SLC25A26: variants seen among roughly 807,000 people sequenced by gnomAD.
The protein encoded by SLC25A26 is solute carrier family 25 member 26, also known as mitochondrial S-adenosylmethionine carrier protein.
Under a neutral mutation model 37.8 loss-of-function variants are expected in SLC25A26, and 36 were observed. That is an observed-to-expected ratio of 0.95 (90% CI 0.73 to 1.26). The LOEUF is 1.26. SLC25A26 is among the 50% of genes most tolerant of loss of function. The pLI is 0.00. For synonymous variants in SLC25A26, 129 were observed against 122.5 expected (o/e 1.05, Z -0.35); for missense variants, 390 against 331.1 (o/e 1.18, Z -1.38).
intron 5 of SLC25A26, chr3:66,324,083 C>T (rs2075769736): frequency 6.6e-6 from 1 of 151,764 alleles, no homozygotes; most frequent in Non-Finnish European, 1.5e-5. Flanking sequence ...CCATGCTGAT[C>T]AGTAGTGGGA....
intron 2 of SLC25A26, 66 bp downstream of exon 2, chr3:66,236,766 T>A (rs1321289124): frequency 4.8e-6 from 6 of 1,238,582 alleles, no homozygotes; most frequent in Non-Finnish European, 6.5e-6. Flanking sequence ...TGGTGTGTGG[T>A]CTTACCCCCA....
At chr3:66,161,996 A>G (rs1426311723) in intron 1 of SLC25A26, among the ~76,000 whole-genome samples, 3 of 152,242 alleles carry the variant, frequency 2.0e-5, no homozygotes, top group Admixed American at 6.5e-5. Context: ...TTGGGCTGCC[A>G]TAACAAAGTA....
intron 2 of SLC25A26, 128 bp from the exon 3 acceptor site, chr3:66,243,074 AT>A: frequency 1.8e-6 from 1 of 567,912 alleles, no homozygotes; most frequent in Non-Finnish European, 3.1e-6. Context: ...AAGAAAAGAT[AT>A]GTGCTTATCA....
intron 2 of SLC25A26, among the ~76,000 whole-genome samples, chr3:66,239,071 C>T (rs1440807608): frequency 6.6e-6 from 1 of 152,186 alleles, no homozygotes; most frequent in East Asian, 1.9e-4. Context: ...CTTTAATAAT[C>T]AGAACCTTTC....
intron 1 of SLC25A26, among the ~76,000 whole-genome samples, chr3:66,138,872 T>C (rs1418261980): frequency 6.6e-6 from 1 of 152,156 alleles, no homozygotes; most frequent in Non-Finnish European, 1.5e-5. Flanking sequence ...TGAATAGTAA[T>C]GGTCCTGAGT....
intron 1 of SLC25A26, among the ~76,000 whole-genome samples, chr3:66,136,114 C>T (rs56391015): frequency 0.45 from 68,017 of 152,022 alleles, 15,995 homozygotes; most frequent in African/African-American, 0.59. Context: ...TTCTGTCCTG[C>T]GGACAGTCAA....
At chr3:66,178,062 A>G (rs2106748094) in intron 1 of SLC25A26, among the ~76,000 whole-genome samples, 1 of 152,318 alleles carries the variant, frequency 6.6e-6, no homozygotes, top group South Asian at 2.1e-4. Context: ...GGGAATTGGA[A>G]AACTTACTCT....
At chr3:66,232,735 A>G (rs2072092440) in intron 1 of SLC25A26, among the ~76,000 whole-genome samples, 3 of 152,252 alleles carry the variant, frequency 2.0e-5, no homozygotes. Flanking sequence ...GGGGCTCCAG[A>G]ACCTCCAGAG....
intron 5 of SLC25A26, among the ~76,000 whole-genome samples, chr3:66,276,028 G>GT (rs966016249): frequency 2.0e-5 from 3 of 152,008 alleles, no homozygotes; most frequent in African/African-American, 4.8e-5. Context: ...GTCAAATGTA[G>GT]TTTTTTAGAT....
chr3:66,293,931 A>C (rs912791745), intron 5 of SLC25A26, among the ~76,000 whole-genome samples: 1 of 152,122 alleles, frequency 6.6e-6, no homozygotes, highest in African/African-American at 2.4e-5. Context: ...CCTGTAATAG[A>C]GCTTGAAGTC....
At position 66,232,911 on chromosome 3, in the gene SLC25A26, C is replaced by T. The variant is rs144011949; in HGVS notation, c.34-3633C>T. Among the ~76,000 whole-genome samples the T allele has an allele frequency of 1.8e-3, 275 of 152,254 alleles. 1 individual carries two copies. Among genetic ancestry groups the T allele is most frequent in the Non-Finnish European group, 1.7e-3 (114 of 68,016 alleles). On this transcript the variant is annotated intron_variant, in intron 1 of 9. Transcript: ENST00000354883. ...GAGAATGAATGGGAAGTGGGGAAGA[C>T]GACAGGTATGTCAGAAAGCAGAGGT...
chr3:66,300,886 GT>G (rs34045981), intron 5 of SLC25A26, among the ~76,000 whole-genome samples: 2 of 152,136 alleles, frequency 1.3e-5, no homozygotes. Context: ...TATATGCAGA[GT>G]TTTTTGTTTT....
intron 3 of SLC25A26, among the ~76,000 whole-genome samples, chr3:66,246,605 G>A (rs556004718): frequency 6.6e-6 from 1 of 152,276 alleles, no homozygotes; most frequent in East Asian, 1.9e-4. Flanking sequence ...GGGGTAGGTA[G>A]ATTTTAGAAT....
At chr3:66,197,374 G>C (rs2071059051) in intron 1 of SLC25A26, among the ~76,000 whole-genome samples, 1 of 152,104 alleles carries the variant, frequency 6.6e-6, no homozygotes, top group Admixed American at 6.5e-5. Context: ...GTGAAATTCA[G>C]AGTAAGTTTC....
intron 5 of SLC25A26, among the ~76,000 whole-genome samples, chr3:66,297,184 T>A (rs915252983): frequency 6.6e-6 from 1 of 151,854 alleles, no homozygotes; most frequent in Admixed American, 6.6e-5. Context: ...AAAAAATAGC[T>A]GGGCATGGTT....
chr3:66,162,004 G>A (rs1317171673), intron 1 of SLC25A26, among the ~76,000 whole-genome samples: 1 of 152,216 alleles, frequency 6.6e-6, no homozygotes, highest in East Asian at 1.9e-4. Context: ...CCATAACAAA[G>A]TACTGCAGAC....
chr3:66,152,622 A>C (rs940516677), intron 1 of SLC25A26, among the ~76,000 whole-genome samples: 10 of 149,026 alleles, frequency 6.7e-5, no homozygotes, highest in Non-Finnish European at 1.0e-4. Context: ...AAAATCATCT[A>C]TTCCCCCAGC....
chr3:66,180,672 T>C (rs927305318), intron 1 of SLC25A26, among the ~76,000 whole-genome samples: 1 of 152,164 alleles, frequency 6.6e-6, no homozygotes, highest in Non-Finnish European at 1.5e-5. Flanking sequence ...GTGCCTGTTG[T>C]TGACCTGATG....
chr3:66,162,439 A>G (rs2070373235), intron 1 of SLC25A26, among the ~76,000 whole-genome samples: 1 of 151,778 alleles, frequency 6.6e-6, no homozygotes, highest in Non-Finnish European at 1.5e-5. Context: ...GCATCGAAAA[A>G]AAGCAGAATT....
Sources: allele counts gnomAD v4.1 joint callset (sites outside exome capture counted in the v4.1 genomes callset), GRCh38; gene constraint gnomAD v4.1.1; transcripts MANE v1.5; gene names NCBI Gene and HGNC (gene_info 2026-07-23, HGNC 2026-07-21).